Variants in KANK1 observed in about 807,000 individuals in gnomAD.
KANK1 encodes the protein KN motif and ankyrin repeat domain-containing protein 1.
In KANK1, 109 loss-of-function variants were observed where a neutral mutation model predicts 106.2. The ratio of observed to expected loss-of-function variants is 1.03; its 90% CI spans 0.88 to 1.20. The LOEUF (loss-of-function observed/expected upper bound fraction) is 1.20, where lower values mean the gene tolerates loss of function less well. Ranked by LOEUF, KANK1 falls within the 50% of genes most tolerant of loss-of-function variation. The pLI, the probability that KANK1 is intolerant of heterozygous loss-of-function variation, is 0.00. For missense variants in KANK1, 2,399 were observed against 1,710.7 expected (o/e 1.40, Z -7.10); for synonymous variants, 873 against 652.2 (o/e 1.34, Z -5.16).
rs907235912 is a variant in KANK1 at position 732,053 on chromosome 9, G to A, written c.3006-325G>A. On this transcript the variant is annotated intron_variant, in intron 5 of 11. Transcript: ENST00000382297. ...AGGATGAAATAGGAAGACATGGGGT[G>A]GGGGGGGGACAAAAAGCACCTACCG... is the stretch of plus-strand genomic sequence containing the variant. The A allele has an allele frequency of 3.4e-5, 6 of 178,248 alleles. 1 individual carries two copies. In the South Asian group the frequency reaches 3.8e-4, roughly 11 times the overall value. The allele number at this position is 178,248 out of a possible 1,614,324, so 11.0% of individuals were successfully genotyped here. A position where few individuals can be genotyped will look rare whatever the true frequency, so the allele number is the denominator to read the frequency against.
intron 2 of KANK1, among the ~76,000 whole-genome samples, chr9:690,234 A>G: frequency 1.4e-5 from 2 of 140,658 alleles, no homozygotes; most frequent in African/African-American, 2.6e-5. Context: ...TGAACCCGGG[A>G]GGCAGAGGTT....
intron 3 of KANK1, among the ~76,000 whole-genome samples, chr9:725,496 C>CAAAA (rs34245303): frequency 1.5e-3 from 178 of 116,832 alleles, no homozygotes; most frequent in African/African-American, 5.0e-3. Context: ...GACTCTGTCT[C>CAAAA]AAAAAAAAAA....
chr9:649,129 A>G (rs969243157), intron 1 of KANK1, among the ~76,000 whole-genome samples: 1 of 152,168 alleles, frequency 6.6e-6, no homozygotes, highest in Non-Finnish European at 1.5e-5. Flanking sequence ...CTCCTGGCAT[A>G]TAAGGATATA....
At chr9:737,493 A>G (rs1191262344) in intron 7 of KANK1, among the ~76,000 whole-genome samples, 1 of 152,236 alleles carries the variant, frequency 6.6e-6, no homozygotes, top group Non-Finnish European at 1.5e-5. Flanking sequence ...CCTCATCACC[A>G]GTACTGACTG....
At chr9:667,750 T>TG (rs1266488706) in intron 1 of KANK1, among the ~76,000 whole-genome samples, 2 of 151,106 alleles carry the variant, frequency 1.3e-5, no homozygotes. Flanking sequence ...TTGTTTTGTT[T>TG]TTTTTTTTGA....
At chr9:606,742 A>AT (rs1325953190) in intron 1 of KANK1, among the ~76,000 whole-genome samples, 9 of 151,466 alleles carry the variant, frequency 5.9e-5, no homozygotes, top group Non-Finnish European at 1.5e-5. Context: ...AAAAAGTAGA[A>AT]TTTTTATCTG....
chr9:705,815 G>C (rs968204878), intron 2 of KANK1, among the ~76,000 whole-genome samples: 1 of 151,906 alleles, frequency 6.6e-6, no homozygotes, highest in African/African-American at 2.4e-5. Context: ...GGCCAGGTTG[G>C]TCTCGAGCTC....
intron 2 of KANK1, chr9:684,442 A>AT (rs1818156878): frequency 3.0e-6 from 3 of 985,340 alleles, no homozygotes; most frequent in Non-Finnish European, 3.6e-6. Flanking sequence ...CAACAGGGAG[A>AT]TTCGCTGTGT....
At chr9:714,394 C>CT (rs1347956711) in intron 3 of KANK1, among the ~76,000 whole-genome samples, 1 of 144,458 alleles carries the variant, frequency 6.9e-6, no homozygotes, top group Non-Finnish European at 1.5e-5. Flanking sequence ...CAGAGTCGCT[C>CT]TGTCACCCAG....
At chr9:500,532 C>A (rs992402261), upstream of KANK1, among the ~76,000 whole-genome samples, 2 of 152,094 alleles carry the variant, frequency 1.3e-5, no homozygotes, top group Non-Finnish European at 2.9e-5. Context: ...GAAAATGAGC[C>A]CCATGTTAAT....
intron 1 of KANK1, among the ~76,000 whole-genome samples, chr9:535,509 T>TC (rs1237069705): frequency 6.6e-6 from 1 of 152,196 alleles, no homozygotes; most frequent in Non-Finnish European, 1.5e-5. Flanking sequence ...TATGATCATC[T>TC]CCAAGTGACG....
intron 1 of KANK1, among the ~76,000 whole-genome samples, chr9:530,762 G>GTGGAGTGCTTGAGCCC (rs1460647763): frequency 6.6e-6 from 1 of 152,214 alleles, no homozygotes; most frequent in African/African-American, 2.4e-5. Flanking sequence ...GCCCAGGAAG[G>GTGGAGTGCTTGAGCCC]TGGAGTGCTT....
At chr9:629,369 A>G (rs1010447966) in intron 1 of KANK1, among the ~76,000 whole-genome samples, 6 of 152,182 alleles carry the variant, frequency 3.9e-5, no homozygotes, top group Non-Finnish European at 8.8e-5. Context: ...CCACAGTGGC[A>G]GCTGCCTAAC....
At chr9:535,622 C>T (rs1308119555) in intron 1 of KANK1, among the ~76,000 whole-genome samples, 1 of 152,214 alleles carries the variant, frequency 6.6e-6, no homozygotes, top group Non-Finnish European at 1.5e-5. Flanking sequence ...TACAGTACAC[C>T]TGCTGAGTGA....
At chr9:588,234 A>G (rs1001325045) in intron 1 of KANK1, among the ~76,000 whole-genome samples, 3 of 152,114 alleles carry the variant, frequency 2.0e-5, no homozygotes, top group Non-Finnish European at 2.9e-5. Context: ...TTTCTACAGC[A>G]TCATTTTAAA....
At position 672,400 on chromosome 9, in the gene KANK1, T is replaced by C. The variant is rs79904464; in HGVS notation, c.-83-4490T>C. Among the ~76,000 whole-genome samples the C allele has an allele frequency of 9.3e-3, 1,419 of 152,346 alleles. 22 individuals are homozygous for C. Among genetic ancestry groups the C allele is most frequent in the African/African-American group, 0.032 (1,342 of 41,584 alleles). On this transcript the variant is annotated intron_variant, in intron 1 of 11. Coordinates refer to ENST00000382297, the MANE Select transcript of KANK1 (RefSeq NM_015158.5). ...GCCTCTGAAATGAGGATGTGTCTTA[T>C]AATGAATGTAATTTCTTAATAAGCA...
At chr9:741,556 T>G (rs13295311) in intron 9 of KANK1, among the ~76,000 whole-genome samples, 44,891 of 149,936 alleles carry the variant, frequency 0.3, 7,529 homozygotes, top group South Asian at 0.39. Flanking sequence ...GGTGCGATCT[T>G]GGCTCACTGG....
rs36072780 is a variant in KANK1, at chr9:528,469, C to CTT, written c.-84+23744_-84+23745dup. On this transcript the variant is annotated intron_variant, in intron 1 of 11. Transcript: ENST00000382297. Reference sequence around the variant, plus strand: ...ACCATTTTACTGAATTAAAAAATAACTTTTTTTTTTTTTTTTTTTTTTTTT... The same window carrying CTT: ...ACCATTTTACTGAATTAAAAAATAACTTTTTTTTTTTTTTTTTTTTTTTTTTT... 5.5e-3 allele frequency among the ~76,000 whole-genome samples: 471 copies of CTT among 85,060 alleles called. 64 individuals carry two copies. The highest frequency in any genetic ancestry group is 0.019 in the African/African-American group (438 of 23,568). 55.8% of individuals were successfully genotyped at this position (85,060 alleles called of 152,430 possible).
chr9:566,182 A>G (rs779449492), intron 1 of KANK1, among the ~76,000 whole-genome samples: 1 of 152,212 alleles, frequency 6.6e-6, no homozygotes, highest in African/African-American at 2.4e-5. Context: ...TGCAAAGGAC[A>G]TGATCTTATT....
Sources: gnomAD v4.1 joint callset for allele counts (sites outside exome capture counted in the v4.1 genomes callset) on GRCh38, gnomAD v4.1.1 for gene constraint, MANE v1.5 for transcripts, NCBI Gene and HGNC (gene_info 2026-07-23, HGNC 2026-07-21) for gene names.